Variants in MAP2K5 observed in about 807,000 individuals in gnomAD.
MAP2K5 encodes dual specificity mitogen-activated protein kinase kinase 5.
MAP2K5 carries 49 observed loss-of-function variants against 83.1 expected under a neutral mutation model. The observed-to-expected ratio is 0.59, with a 90% confidence interval of 0.47 to 0.75. The LOEUF is 0.75. MAP2K5 is among the 30% of genes least tolerant of loss of function. The probability of loss-of-function intolerance (pLI) is 0.00; values close to 1 mark genes in which losing one functional copy is unlikely to be tolerated. For synonymous variants in MAP2K5, 202 were observed against 191.8 expected, an observed-to-expected ratio of 1.05 and a Z score of -0.44; for missense variants, 457 against 557.5, an observed-to-expected ratio of 0.82 and a Z score of 1.82.
intron 8 of MAP2K5, among the ~76,000 whole-genome samples, chr15:67,605,981 G>T (rs4514626): frequency 3.3e-5 from 5 of 152,212 alleles, no homozygotes; most frequent in Admixed American, 3.3e-4. Flanking sequence ...AAAACCTTCA[G>T]TGCTTAGTAT....
At chr15:67,654,455 GT>G (rs1159217829) in intron 11 of MAP2K5, among the ~76,000 whole-genome samples, 2 of 152,018 alleles carry the variant, frequency 1.3e-5, no homozygotes, top group Non-Finnish European at 2.9e-5. Flanking sequence ...ACAGCATATA[GT>G]TGGATCATTT....
chr15:67,685,312 T>G (rs2087926596), intron 13 of MAP2K5, among the ~76,000 whole-genome samples: 1 of 152,208 alleles, frequency 6.6e-6, no homozygotes, highest in Non-Finnish European at 1.5e-5. Flanking sequence ...TTTAAAATGT[T>G]GAAAGAAAGA....
rs1044398289 is a variant in MAP2K5, at chr15:67,577,182, G to A, written c.253-3572G>A. 2.0e-5 allele frequency among the ~76,000 whole-genome samples: 3 copies of A among 151,950 alleles called. No individual in the cohort carries two copies. The highest frequency in any genetic ancestry group is 4.4e-5 in the Non-Finnish European group (3 of 67,952). ...GATCTCCTGACCTCATGATCCACCC[G>A]CCTCGGCCTCCCAAAGTGCTGGGAT... On this transcript the variant is annotated intron_variant, in intron 3 of 21. Coordinates refer to ENST00000178640, the MANE Select transcript of MAP2K5 (RefSeq NM_145160.3). This position sits in a 1 kb window ranked among gnomAD's most constrained non-coding sequence, Gnocchi z 4.1.
rs918463663 is a variant in MAP2K5, at chr15:67,555,978, G to A, written c.184+5896G>A. ...TTTTTGTATTTTTAGTAGATACGGG[G>A]TTTCACCATGTTGACCAGACTGGTC... is the stretch of plus-strand genomic sequence containing the variant. On this transcript the variant is annotated intron_variant, in intron 2 of 21. Coordinates refer to ENST00000178640, the MANE Select transcript of MAP2K5 (RefSeq NM_145160.3). This position sits in a 1 kb window ranked among gnomAD's most constrained non-coding sequence, Gnocchi z 5.2. 6.6e-6 allele frequency among the ~76,000 whole-genome samples: 1 copy of A among 152,048 alleles called. No homozygotes were observed. Among genetic ancestry groups the A allele is most frequent in the Admixed American group, 6.6e-5 (1 of 15,264 alleles).
intron 9 of MAP2K5, chr15:67,641,526 T>C: frequency 1.0e-6 from 1 of 999,248 alleles, no homozygotes; most frequent in Non-Finnish European, 1.2e-6. Flanking sequence ...CTGTATATTT[T>C]AATAGCCTCA....
At chr15:67,671,798 G>T (rs1444282554) in intron 13 of MAP2K5, among the ~76,000 whole-genome samples, 7 of 140,426 alleles carry the variant, frequency 5.0e-5, no homozygotes, top group African/African-American at 1.9e-4. Context: ...ATCTCCTAAT[G>T]CTATCCCTCC....
chr15:67,543,564 A>G lies in MAP2K5; in HGVS notation c.135+94A>G. On this transcript the variant is annotated intron_variant, in intron 1 of 21. Coordinates refer to ENST00000178640, the MANE Select transcript of MAP2K5 (RefSeq NM_145160.3). This position sits in a 1 kb window ranked among gnomAD's most constrained non-coding sequence, Gnocchi z 4.3. ...ACCACTGGTGACCTGAGCCAGTGGC[A>G]ATGGCTACTGCTGGCTTCCTGTGGA... is the stretch of plus-strand genomic sequence containing the variant. 2 of 1,440,424 alleles carry G rather than the reference A, an allele frequency of 1.4e-6. No homozygotes were observed. The highest frequency in any genetic ancestry group is 1.9e-6 in the Non-Finnish European group (2 of 1,035,362). 89.2% of individuals were successfully genotyped at this position (1,440,424 alleles called of 1,614,324 possible).
rs1267171619 is a variant in MAP2K5 at position 67,586,900 on chromosome 15, C to T, written c.418C>T (p.Leu140Phe). The T allele has an allele frequency of 6.2e-7, 1 of 1,614,164 alleles. No homozygotes were observed. Among genetic ancestry groups the T allele is most frequent in the Non-Finnish European group, 8.5e-7 (1 of 1,180,038 alleles). The change falls in exon 6 of 22, where the codon CTT (leucine) becomes TTT (phenylalanine). Residue 140 changes from leucine (L) to phenylalanine (F), a missense_variant. Physicochemically the swap from Leu to Phe is conservative, Grantham distance 22 (BLOSUM62 0). This residue lies in a region of MAP2K5 where 234 missense variants were observed against 243.6 expected (regional missense o/e 0.96). Transcript: ENST00000178640. Reference protein sequence around the residue: ...QHSSPAVSDSLPSNSLKKSSA... With the variant: ...QHSSPAVSDSFPSNSLKKSSA... ...CAGCAGCCCAGCAGTCTCAGATTCA[C>T]TTCCAAGCAATAGGTGCGAGCGAGC...
At chr15:67,642,773 A>G (rs2086742301) in intron 9 of MAP2K5, among the ~76,000 whole-genome samples, 1 of 152,172 alleles carries the variant, frequency 6.6e-6, no homozygotes, top group African/African-American at 2.4e-5. Flanking sequence ...GTCATGCTAG[A>G]GTTTTAACTT....
chr15:67,799,174 A>T (rs1407987769), intron 21 of MAP2K5, among the ~76,000 whole-genome samples: 2 of 152,244 alleles, frequency 1.3e-5, no homozygotes, highest in African/African-American at 4.8e-5. Flanking sequence ...GTCTCAAAAT[A>T]AAAAAATAAT....
intron 19 of MAP2K5, among the ~76,000 whole-genome samples, chr15:67,762,449 TTAACCTATTTTCCATTTCTCCAC>T (rs1307069708): frequency 6.6e-6 from 1 of 152,092 alleles, no homozygotes; most frequent in Non-Finnish European, 1.5e-5. Flanking sequence ...GTTTAAAAGA[TTAACCTATTTTCCATTTCTCCAC>T]TCACCTATTT....
At chr15:67,686,349 G>A (rs1365968907) in intron 13 of MAP2K5, among the ~76,000 whole-genome samples, 3 of 152,108 alleles carry the variant, frequency 2.0e-5, no homozygotes, top group East Asian at 1.9e-4. Context: ...GCTCACACCT[G>A]TAATCCCAGC....
chr15:67,715,768 A>C (rs2088815430), intron 16 of MAP2K5, among the ~76,000 whole-genome samples: 1 of 152,250 alleles, frequency 6.6e-6, no homozygotes, highest in Non-Finnish European at 1.5e-5. Flanking sequence ...TATGACAAGA[A>C]GGCTGAACCT....
At chr15:67,701,024 C>G (rs1255429679) in intron 15 of MAP2K5, among the ~76,000 whole-genome samples, 1 of 151,884 alleles carries the variant, frequency 6.6e-6, no homozygotes, top group Admixed American at 6.6e-5. Context: ...GTGTGTTTAA[C>G]CTCCTTTTTG....
At chr15:67,761,664 CG>C (rs1449050911) in intron 19 of MAP2K5, among the ~76,000 whole-genome samples, 2 of 152,142 alleles carry the variant, frequency 1.3e-5, no homozygotes, top group Non-Finnish European at 2.9e-5. Flanking sequence ...TTTCAGGACA[CG>C]GACCTGCCAG....
At chr15:67,684,210 A>G (rs1351149062) in intron 13 of MAP2K5, among the ~76,000 whole-genome samples, 1 of 152,242 alleles carries the variant, frequency 6.6e-6, no homozygotes, top group East Asian at 1.9e-4. Flanking sequence ...TTTAGAAAAG[A>G]AAATTTCTGG....
rs192842406 is a variant in MAP2K5, at chr15:67,771,278, G to A, written c.1197-1429G>A. Among the ~76,000 whole-genome samples the A allele has an allele frequency of 1.3e-4, 20 of 152,270 alleles. 1 individual carries two copies. Among genetic ancestry groups the A allele is most frequent in the East Asian group, 5.8e-4 (3 of 5,182 alleles). On this transcript the variant is annotated intron_variant, in intron 20 of 21. Coordinates refer to ENST00000178640, the MANE Select transcript of MAP2K5 (RefSeq NM_145160.3). ...ATGCGATTCCTCTACTGCCTGGAGC[G>A]CCTGGTTTGGGCATCACCCTCTCTG... is the stretch of plus-strand genomic sequence containing the variant.
chr15:67,709,067 G>C (rs182427568), intron 16 of MAP2K5, among the ~76,000 whole-genome samples: 92 of 152,286 alleles, frequency 6.0e-4, no homozygotes, highest in African/African-American at 2.2e-3. Flanking sequence ...AGTTTGACTT[G>C]ATGGGAAGAA....
intron 8 of MAP2K5, 70 bp from the exon 9 acceptor site, chr15:67,630,817 AT>A: frequency 3.6e-6 from 4 of 1,108,856 alleles, no homozygotes; most frequent in Non-Finnish European, 5.4e-6. Flanking sequence ...TTGGATTTAC[AT>A]TTATGTCCTT....
Sources: allele counts gnomAD v4.1 joint callset (sites outside exome capture counted in the v4.1 genomes callset), GRCh38; gene constraint gnomAD v4.1.1; regional missense constraint gnomAD v4.1.1; non-coding constraint Gnocchi (gnomAD v3.1); transcripts MANE v1.5; gene names NCBI Gene and HGNC (gene_info 2026-07-23, HGNC 2026-07-21).